The following TPD52L1 variants were observed in gnomAD, a reference collection of about 807,000 sequenced individuals.
The protein encoded by TPD52L1 is TPD52 like 1.
Under a neutral mutation model 28.7 loss-of-function variants are expected in TPD52L1, and 18 were observed. That is an observed-to-expected ratio of 0.63 (90% confidence interval 0.43 to 0.93). TPD52L1 has a LOEUF of 0.93. TPD52L1 is among the 40% of genes least tolerant of loss of function. The probability of loss-of-function intolerance (pLI) is 0.00; values close to 1 mark genes in which losing one functional copy is unlikely to be tolerated. For missense variants in TPD52L1, 203 were observed against 254.8 expected (o/e 0.80, Z 1.39); for synonymous variants, 75 against 88.8 (o/e 0.84, Z 0.88).
At chr6:125,198,405 A>C (rs1464205397) in intron 1 of TPD52L1, among the ~76,000 whole-genome samples, 1 of 152,186 alleles carries the variant, frequency 6.6e-6, no homozygotes. Flanking sequence ...TCATTTGGGT[A>C]GAGTTATACC....
At chr6:125,243,671 A>G (rs1796753317) in intron 3 of TPD52L1, among the ~76,000 whole-genome samples, 3 of 151,934 alleles carry the variant, frequency 2.0e-5, no homozygotes, top group African/African-American at 4.8e-5. Context: ...TATGATATAT[A>G]TTTCTCTGGA....
At chr6:125,171,894 G>C (rs946275873) in intron 1 of TPD52L1, among the ~76,000 whole-genome samples, 5 of 152,096 alleles carry the variant, frequency 3.3e-5, no homozygotes, top group Non-Finnish European at 5.9e-5. Context: ...AGCTAACACA[G>C]GGCAGGGCTC....
chr6:125,257,563 G>T (rs1197186977), intron 6 of TPD52L1, among the ~76,000 whole-genome samples: 1 of 152,116 alleles, frequency 6.6e-6, no homozygotes, highest in Non-Finnish European at 1.5e-5. Context: ...AAACAAACTG[G>T]GGACTACGTA....
intron 1 of TPD52L1, chr6:125,214,507 G>A (rs552120655): frequency 1.0e-6 from 1 of 955,098 alleles, no homozygotes; most frequent in Non-Finnish European, 1.2e-6. Context: ...GAACTGCTTG[G>A]GCTGGATGTC....
At chr6:125,171,506 T>C (rs1369387961) in intron 1 of TPD52L1, among the ~76,000 whole-genome samples, 1 of 152,208 alleles carries the variant, frequency 6.6e-6, no homozygotes, top group Non-Finnish European at 1.5e-5. Flanking sequence ...AGACTGGAGC[T>C]GAGGCCCTCC....
At chr6:125,192,265 G>T (rs1793095670) in intron 1 of TPD52L1, among the ~76,000 whole-genome samples, 1 of 151,700 alleles carries the variant, frequency 6.6e-6, no homozygotes, top group African/African-American at 2.4e-5. Context: ...GCAGAATAAA[G>T]TTCTTTGGGT....
At chr6:125,218,305 T>C (rs1489848712) in intron 1 of TPD52L1, among the ~76,000 whole-genome samples, 2 of 152,218 alleles carry the variant, frequency 1.3e-5, no homozygotes, top group African/African-American at 4.8e-5. Context: ...GTGAACTAAT[T>C]TAATTTGTAT....
chr6:125,207,531 AC>A (rs1794229568), intron 1 of TPD52L1, among the ~76,000 whole-genome samples: 1 of 152,174 alleles, frequency 6.6e-6, no homozygotes, highest in South Asian at 2.1e-4. Context: ...ATAGTGAAAA[AC>A]GTTGGAAGAC....
intron 2 of TPD52L1, among the ~76,000 whole-genome samples, chr6:125,225,445 G>T (rs1335820272): frequency 6.6e-6 from 1 of 152,098 alleles, no homozygotes; most frequent in Admixed American, 6.5e-5. Flanking sequence ...TTCCACAGTG[G>T]CGGAACTATT....
intron 1 of TPD52L1, among the ~76,000 whole-genome samples, chr6:125,159,671 C>G (rs551259293): frequency 6.6e-6 from 1 of 152,278 alleles, no homozygotes; most frequent in East Asian, 1.9e-4. Flanking sequence ...AAATCACTAT[C>G]TATGGCAGCT....
rs527811822 is a variant in TPD52L1 at position 125,186,930 on chromosome 6, G to A, written c.19+32960G>A. 2.7e-4 allele frequency among the ~76,000 whole-genome samples: 41 copies of A among 152,116 alleles called. No individual in the cohort carries two copies. The South Asian group carries it at 5.0e-3, about 18-fold the overall frequency. On this transcript the variant is annotated intron_variant, in intron 1 of 6. Transcript: ENST00000534000. ...GGGTGACTGTTTCAGCCAAGGGATT[G>A]GAAATGCAAAGGTACAAAAGAAAAA... is the stretch of plus-strand genomic sequence containing the variant.
chr6:125,175,481 A>G (rs1280063296), intron 1 of TPD52L1, among the ~76,000 whole-genome samples: 2 of 152,226 alleles, frequency 1.3e-5, no homozygotes, highest in African/African-American at 4.8e-5. Context: ...GACAATTTTA[A>G]GCTTAAGAGT....
rs1387211496 is a variant in TPD52L1 at position 125,253,530 on chromosome 6, T to C, written c.387-187T>C. On this transcript the variant is annotated intron_variant, in intron 4 of 6. Coordinates refer to ENST00000534000, the MANE Select transcript of TPD52L1 (RefSeq NM_003287.4). ...GGATCCACCATCTACTTTTCATTTA[T>C]ACCCTTGAAAGCTGACTATACCCAT... 5.2e-6 allele frequency: 3 copies of C among 579,278 alleles called. No individual in the cohort carries two copies. In the East Asian group the frequency reaches 8.5e-5, roughly 16 times the overall value. 35.9% of individuals were successfully genotyped at this position (579,278 alleles called of 1,614,324 possible).
At chr6:125,162,674 T>C (rs1194209483) in intron 1 of TPD52L1, among the ~76,000 whole-genome samples, 1 of 152,212 alleles carries the variant, frequency 6.6e-6, no homozygotes, top group Non-Finnish European at 1.5e-5. Context: ...AACAAGTTAT[T>C]CATTTCACTC....
chr6:125,244,038 C>A (rs1001381588), intron 3 of TPD52L1, among the ~76,000 whole-genome samples: 4 of 151,662 alleles, frequency 2.6e-5, no homozygotes, highest in African/African-American at 9.7e-5. Context: ...TAATTTAATT[C>A]TTGGTGCTTG....
At chr6:125,200,878 C>T (rs1562271396) in intron 1 of TPD52L1, among the ~76,000 whole-genome samples, 1 of 152,194 alleles carries the variant, frequency 6.6e-6, no homozygotes. Flanking sequence ...GTGGCCAACT[C>T]AAACATGCCA....
chr6:125,240,019 G>T (rs1284178852), intron 3 of TPD52L1, among the ~76,000 whole-genome samples: 1 of 152,104 alleles, frequency 6.6e-6, no homozygotes, highest in East Asian at 1.9e-4. Flanking sequence ...GAGAGATGAG[G>T]ATCCAGTTTC....
At chr6:125,260,925 A>G (rs1432865886) in intron 6 of TPD52L1, 1 of 19,648 alleles carries the variant, frequency 5.1e-5, no homozygotes, top group African/African-American at 8.2e-4. Flanking sequence ...AAGAAAGAAG[A>G]AAGAAAGAAA....
intron 2 of TPD52L1, among the ~76,000 whole-genome samples, chr6:125,224,233 A>G (rs768066935): frequency 6.6e-6 from 1 of 152,234 alleles, no homozygotes; most frequent in Admixed American, 6.5e-5. Context: ...TTGTGATTAT[A>G]TAACAATCAA....
Sources: gnomAD v4.1 joint callset for allele counts (sites outside exome capture counted in the v4.1 genomes callset) on GRCh38, gnomAD v4.1.1 for gene constraint, MANE v1.5 for transcripts, NCBI Gene and HGNC (gene_info 2026-07-23, HGNC 2026-07-21) for gene names.